Variants in PRKG1 observed in about 807,000 individuals in gnomAD.
PRKG1 encodes protein kinase cGMP-dependent 1.
A neutral mutation model predicts 88.1 loss-of-function variants in PRKG1; 35 were observed. The ratio of observed to expected loss-of-function variants is 0.40; its 90% CI spans 0.30 to 0.53. The LOEUF (loss-of-function observed/expected upper bound fraction) is 0.53, where lower values mean the gene tolerates loss of function less well. Among genes scored for constraint, PRKG1 ranks in the 20% least tolerant of loss-of-function variants. PRKG1 has a pLI of 0.59. For synonymous variants in PRKG1, 303 were observed against 292.5 expected (o/e 1.04, Z -0.37); for missense variants, 540 against 839.8 (o/e 0.64, Z 4.41).
At position 51,766,925 on chromosome 10, in the gene PRKG1, C is replaced by G. The variant is rs567299661; in HGVS notation, c.593-37660C>G. On this transcript the variant is annotated intron_variant, in intron 3 of 17. Transcript: ENST00000373980. Reference sequence around the variant, plus strand: ...GACACCCTTTCTCTGCCTGCTCTGCCGGAAGCCTGCAACACAACAGAAGCC... The same window carrying G: ...GACACCCTTTCTCTGCCTGCTCTGCGGGAAGCCTGCAACACAACAGAAGCC... Among the ~76,000 whole-genome samples, 6 of 152,202 alleles carry G rather than the reference C, an allele frequency of 3.9e-5. No homozygotes were observed. In the East Asian group the frequency reaches 5.8e-4, roughly 15 times the overall value.
intron 2 of PRKG1, among the ~76,000 whole-genome samples, chr10:51,249,069 T>G (rs1367481248): frequency 1.3e-5 from 2 of 151,830 alleles, no homozygotes; most frequent in Non-Finnish European, 2.9e-5. Context: ...ATTTATAAAA[T>G]TTTTAAAAAC....
intron 4 of PRKG1, among the ~76,000 whole-genome samples, chr10:51,882,132 C>T (rs558670337): frequency 6.6e-6 from 1 of 152,292 alleles, no homozygotes; most frequent in African/African-American, 2.4e-5. Context: ...CTCCTTGATA[C>T]AGTTCAGAAA....
At chr10:51,881,752 A>C (rs901843449) in intron 4 of PRKG1, among the ~76,000 whole-genome samples, 1 of 152,190 alleles carries the variant, frequency 6.6e-6, no homozygotes, top group Non-Finnish European at 1.5e-5. Flanking sequence ...AATTTTAAAC[A>C]TTTTGGACTT....
intron 3 of PRKG1, among the ~76,000 whole-genome samples, chr10:51,580,849 C>T (rs183200433): frequency 3.3e-5 from 5 of 152,116 alleles, no homozygotes; most frequent in African/African-American, 1.2e-4. Context: ...TAAATCATCA[C>T]CTACTTGACA....
chr10:52,148,513 T>C (rs1837794596), intron 8 of PRKG1, among the ~76,000 whole-genome samples: 1 of 151,754 alleles, frequency 6.6e-6, no homozygotes, highest in South Asian at 2.1e-4. Flanking sequence ...TTTAATATAT[T>C]GAATAGAAAA....
At chr10:51,825,999 C>A (rs1839872971) in intron 4 of PRKG1, among the ~76,000 whole-genome samples, 1 of 152,104 alleles carries the variant, frequency 6.6e-6, no homozygotes, top group African/African-American at 2.4e-5. Flanking sequence ...GAACTTGATG[C>A]CCATTCATGG....
intron 2 of PRKG1, among the ~76,000 whole-genome samples, chr10:51,267,144 A>G (rs1839856799): frequency 6.6e-6 from 1 of 152,156 alleles, no homozygotes; most frequent in African/African-American, 2.4e-5. Flanking sequence ...AATTTTAATT[A>G]GTTTTTTTCT....
At chr10:51,526,826 A>G (rs1261241997) in intron 3 of PRKG1, among the ~76,000 whole-genome samples, 2 of 152,102 alleles carry the variant, frequency 1.3e-5, no homozygotes, top group Non-Finnish European at 2.9e-5. Context: ...GGTGTTCTGT[A>G]CTGTGAAGGA....
chr10:51,486,195 A>G (rs1304886633), intron 3 of PRKG1, among the ~76,000 whole-genome samples: 1 of 152,064 alleles, frequency 6.6e-6, no homozygotes, highest in Non-Finnish European at 1.5e-5. Flanking sequence ...GGACTTCTTC[A>G]TTTTGTGTAA....
intron 2 of PRKG1, among the ~76,000 whole-genome samples, chr10:51,385,174 A>G (rs1837219529): frequency 6.6e-6 from 1 of 152,204 alleles, no homozygotes; most frequent in Non-Finnish European, 1.5e-5. Flanking sequence ...AATGCGATAC[A>G]TTATGTGTTA....
At chr10:51,731,281 G>T (rs1037762850) in intron 3 of PRKG1, among the ~76,000 whole-genome samples, 5 of 152,132 alleles carry the variant, frequency 3.3e-5, no homozygotes, top group African/African-American at 1.2e-4. Flanking sequence ...GCAGAAATGG[G>T]GGATTTCAAG....
intron 3 of PRKG1, among the ~76,000 whole-genome samples, chr10:51,470,317 G>A (rs10997674): frequency 0.44 from 66,406 of 151,048 alleles, 15,115 homozygotes; most frequent in African/African-American, 0.5. Context: ...TGACCATTTT[G>A]AGTATCATTC....
chr10:51,298,714 G>A (rs1198341993), intron 2 of PRKG1, among the ~76,000 whole-genome samples: 5 of 152,158 alleles, frequency 3.3e-5, no homozygotes, highest in East Asian at 1.9e-4. Flanking sequence ...ATATCATGCC[G>A]ATAGAATTAA....
chr10:52,277,194 G>C (rs1432679124), intron 12 of PRKG1, among the ~76,000 whole-genome samples: 1 of 152,030 alleles, frequency 6.6e-6, no homozygotes, highest in East Asian at 1.9e-4. Flanking sequence ...TGATTGGCAG[G>C]CAATAAAAGG....
intron 2 of PRKG1, among the ~76,000 whole-genome samples, chr10:51,424,287 T>C (rs1838506889): frequency 6.6e-6 from 1 of 152,110 alleles, no homozygotes; most frequent in Non-Finnish European, 1.5e-5. Context: ...TGGATATCTA[T>C]ATTAATGTTA....
chr10:52,049,217 G>A (rs1341798335), intron 5 of PRKG1, among the ~76,000 whole-genome samples: 1 of 152,120 alleles, frequency 6.6e-6, no homozygotes, highest in Non-Finnish European at 1.5e-5. Context: ...ACACTGGTAA[G>A]ATTGGCCAGA....
At chr10:51,392,202 G>A (rs1171464093) in intron 2 of PRKG1, among the ~76,000 whole-genome samples, 2 of 151,790 alleles carry the variant, frequency 1.3e-5, no homozygotes, top group Non-Finnish European at 2.9e-5. Context: ...AGGGTCATAG[G>A]ACAATAATGG....
intron 5 of PRKG1, among the ~76,000 whole-genome samples, chr10:51,960,122 CT>C (rs3029953): frequency 0.089 from 12,842 of 144,460 alleles, 772 homozygotes; most frequent in Non-Finnish European, 0.13. Flanking sequence ...CTTTGGTTTC[CT>C]TTTTTTTTTT....
intron 4 of PRKG1, among the ~76,000 whole-genome samples, chr10:51,889,521 T>G (rs960404807): frequency 6.6e-6 from 1 of 152,166 alleles, no homozygotes. Flanking sequence ...TAGACATACA[T>G]GTGCATGTGT....
Sources: gnomAD v4.1 joint callset for allele counts (sites outside exome capture counted in the v4.1 genomes callset) on GRCh38, gnomAD v4.1.1 for gene constraint, MANE v1.5 for transcripts, NCBI Gene and HGNC (gene_info 2026-07-23, HGNC 2026-07-21) for gene names.